The following TAFA2 variants were observed in gnomAD, a reference collection of about 807,000 sequenced individuals.
TAFA2 encodes the protein TAFA chemokine like family member 2.
TAFA2 carries 7 observed loss-of-function variants against 18.8 expected under a neutral mutation model. The observed-to-expected ratio is 0.37, with a 90% CI of 0.21 to 0.70. TAFA2 has a LOEUF of 0.70. Ranked by LOEUF, TAFA2 falls within the 30% of genes least tolerant of loss-of-function variation. The pLI, the probability that TAFA2 is intolerant of heterozygous loss-of-function variation, is 0.53. For synonymous variants in TAFA2, 60 were observed against 54.2 expected (o/e 1.11, Z -0.47); for missense variants, 122 against 158.1 (o/e 0.77, Z 1.23).
At position 61,870,420 on chromosome 12, in the gene TAFA2, G is replaced by A. The variant is rs116501312; in HGVS notation, c.-1-2994C>T. 5.8e-3 allele frequency among the ~76,000 whole-genome samples: 878 copies of A among 152,254 alleles called. 10 individuals are homozygous for A. The highest frequency in any genetic ancestry group is 0.02 in the African/African-American group (838 of 41,554). ...GCCTGATAAATTTTGTTGACTAAAT[G>A]TAATGCATTCTCTATGCTATGGCCA... is the stretch of plus-strand genomic sequence containing the variant. On this transcript the variant is annotated intron_variant, in intron 1 of 4. Transcript: ENST00000416284.
At chr12:61,932,725 C>T (rs141378111) in intron 1 of TAFA2, among the ~76,000 whole-genome samples, 10,412 of 152,190 alleles carry the variant, frequency 0.068, 472 homozygotes, top group Non-Finnish European at 0.1. Flanking sequence ...CAGGTGTGAG[C>T]CACCGCGCCC....
intron 1 of TAFA2, among the ~76,000 whole-genome samples, chr12:62,090,240 T>G (rs1868652827): frequency 6.6e-6 from 1 of 152,042 alleles, no homozygotes; most frequent in African/African-American, 2.4e-5. Context: ...CTTCAAGAAT[T>G]TCAATTAATG....
intron 1 of TAFA2, among the ~76,000 whole-genome samples, chr12:62,227,508 T>C (rs2062792267): frequency 6.6e-6 from 1 of 152,250 alleles, no homozygotes; most frequent in Admixed American, 6.5e-5. Flanking sequence ...GAGTTTCTCA[T>C]GCATTCTGGT....
chr12:61,841,312 G>A (rs184583060), intron 2 of TAFA2, among the ~76,000 whole-genome samples: 1 of 152,160 alleles, frequency 6.6e-6, no homozygotes, highest in African/African-American at 2.4e-5. Context: ...AGGTATTTGG[G>A]AATAACCTGT....
chr12:62,131,796 A>G (rs979501279), intron 1 of TAFA2, among the ~76,000 whole-genome samples: 1 of 152,016 alleles, frequency 6.6e-6, no homozygotes, highest in Non-Finnish European at 1.5e-5. Flanking sequence ...CTGAGTTAGT[A>G]TATCACTGTT....
chr12:62,228,237 A>G (rs1010483167), intron 1 of TAFA2, among the ~76,000 whole-genome samples: 4 of 151,970 alleles, frequency 2.6e-5, no homozygotes, highest in Non-Finnish European at 4.4e-5. Flanking sequence ...CTATGTGTCC[A>G]TGTGTACGGA....
At chr12:61,810,364 T>C (rs1390340771) in intron 2 of TAFA2, among the ~76,000 whole-genome samples, 1 of 151,104 alleles carries the variant, frequency 6.6e-6, no homozygotes, top group Non-Finnish European at 1.5e-5. Context: ...ATCATGACTC[T>C]TGTGTTTTTA....
At chr12:61,891,861 T>C (rs1290837490) in intron 1 of TAFA2, among the ~76,000 whole-genome samples, 1 of 152,004 alleles carries the variant, frequency 6.6e-6, no homozygotes, top group Non-Finnish European at 1.5e-5. Context: ...GAGAAAGAAC[T>C]GGGATTTATT....
chr12:62,184,355 T>C (rs12310147), intron 1 of TAFA2, among the ~76,000 whole-genome samples: 46,255 of 151,926 alleles, frequency 0.3, 8,033 homozygotes, highest in African/African-American at 0.48. Flanking sequence ...ATATATGAGG[T>C]ATTTAAATGC....
intron 1 of TAFA2, among the ~76,000 whole-genome samples, chr12:62,176,347 T>C (rs564407207): frequency 3.7e-4 from 57 of 152,308 alleles, no homozygotes; most frequent in African/African-American, 1.3e-3. Flanking sequence ...TAGTCTTCTA[T>C]TGATGTTCTA....
At chr12:61,975,102 C>A (rs1356569155) in intron 1 of TAFA2, among the ~76,000 whole-genome samples, 1 of 151,708 alleles carries the variant, frequency 6.6e-6, no homozygotes, top group Non-Finnish European at 1.5e-5. Context: ...ATGATTGCTA[C>A]AGTCCAGCTA....
At chr12:62,159,083 T>C (rs2062389901) in intron 1 of TAFA2, among the ~76,000 whole-genome samples, 1 of 152,212 alleles carries the variant, frequency 6.6e-6, no homozygotes, top group African/African-American at 2.4e-5. Context: ...GGAAACATAA[T>C]TTCTTCCTGT....
chr12:61,759,803 A>G (rs945537209), intron 2 of TAFA2, among the ~76,000 whole-genome samples: 4 of 152,024 alleles, frequency 2.6e-5, no homozygotes, highest in African/African-American at 9.7e-5. Context: ...AAATATTTCT[A>G]TAATGTGAGG....
Position 62,080,922 on chromosome 12 carries a change from C to T in TAFA2, c.-2+110337G>A, listed in dbSNP as rs1167613619. ...ATTAAAACATTCCCCTGGCCAGGCG[C>T]GGTGGCTCACGCCTGTAACCCCAGC... is the stretch of plus-strand genomic sequence containing the variant. On this transcript the variant is annotated intron_variant, in intron 1 of 4. Coordinates refer to ENST00000416284, the MANE Select transcript of TAFA2 (RefSeq NM_178539.5). 2.6e-5 allele frequency among the ~76,000 whole-genome samples: 4 copies of T among 152,280 alleles called. No individual in the cohort carries two copies. The East Asian group carries it at 5.8e-4, about 22-fold the overall frequency.
chr12:61,829,423 T>C (rs1307775929), intron 2 of TAFA2, among the ~76,000 whole-genome samples: 2 of 151,824 alleles, frequency 1.3e-5, no homozygotes, highest in Non-Finnish European at 1.5e-5. Context: ...ATCACTTGCA[T>C]CAATTGTTAA....
At chr12:61,922,941 G>A (rs1280442751) in intron 1 of TAFA2, among the ~76,000 whole-genome samples, 1 of 152,178 alleles carries the variant, frequency 6.6e-6, no homozygotes, top group Admixed American at 6.5e-5. Context: ...CGAGGCTTCA[G>A]TAGGGGATCT....
chr12:62,076,544 T>C (rs17656662), intron 1 of TAFA2, among the ~76,000 whole-genome samples: 15,009 of 152,222 alleles, frequency 0.099, 955 homozygotes, highest in Non-Finnish European at 0.14. Flanking sequence ...TTCTCCTCAC[T>C]ACTCTTCCAA....
chr12:61,868,334 G>A (rs575784552), intron 1 of TAFA2, among the ~76,000 whole-genome samples: 1 of 152,080 alleles, frequency 6.6e-6, no homozygotes, highest in Non-Finnish European at 1.5e-5. Flanking sequence ...TAAAATTCTT[G>A]CATTAATCAC....
intron 1 of TAFA2, among the ~76,000 whole-genome samples, chr12:62,135,279 C>T (rs1395848041): frequency 1.3e-5 from 2 of 151,882 alleles, no homozygotes; most frequent in Non-Finnish European, 1.5e-5. Flanking sequence ...TGGACTATTC[C>T]CAAAGTCCAA....
Sources: gnomAD v4.1 joint callset for allele counts (sites outside exome capture counted in the v4.1 genomes callset) on GRCh38, gnomAD v4.1.1 for gene constraint, MANE v1.5 for transcripts, NCBI Gene and HGNC (gene_info 2026-07-23, HGNC 2026-07-21) for gene names.